Variants in SLC49A3 observed in about 807,000 individuals in gnomAD.
SLC49A3 encodes solute carrier family 49 member A3.
A neutral mutation model predicts 43.8 loss-of-function variants in SLC49A3; 50 were observed. That is an observed-to-expected ratio of 1.14 (90% CI 0.91 to 1.45). SLC49A3 has a LOEUF of 1.45. Among genes scored for constraint, SLC49A3 ranks in the 40% most tolerant of loss-of-function variants. SLC49A3 has a pLI of 0.00. For synonymous variants in SLC49A3, 413 were observed against 352.0 expected (o/e 1.17, Z -1.94); for missense variants, 906 against 774.1 (o/e 1.17, Z -2.02).
chr4:682,433 A>T, intron 9 of SLC49A3, 57 bp from the exon 10 acceptor site: 1 of 1,303,814 alleles, frequency 7.7e-7, no homozygotes, highest in Non-Finnish European at 9.8e-7. Context: ...ACAGATGGGC[A>T]GAGCCCAATG....
In SLC49A3 at chr4:682,080, C is replaced by A; in HGVS notation, c.1558G>T (p.Gly520Cys). 1.4e-6 allele frequency: 2 copies of A among 1,405,252 alleles called. No homozygotes were observed. The highest frequency in any genetic ancestry group is 1.6e-5 in the South Asian group (1 of 62,212). 87.0% of individuals were successfully genotyped at this position (1,405,252 alleles called of 1,614,324 possible). A position where few individuals can be genotyped will look rare whatever the true frequency, so the allele number is the denominator to read the frequency against. ...ACHRATPRAQ[G>C]PAATDAPSRP... ...GAGGGCGCGTCGGTGGCTGCTGGGC[C>A]TTGCGCACGGGGAGTCGCTCGGTGG... Residue 520 changes from glycine to cysteine, a missense_variant, in exon 10 of 10, where the codon GGC becomes TGC. Coordinates refer to ENST00000322224, the MANE Select transcript of SLC49A3 (RefSeq NM_032219.4).
chr4:681,820 C>G, downstream of SLC49A3: 1 of 1,265,072 alleles, frequency 7.9e-7, no homozygotes, highest in Non-Finnish European at 1.0e-6. Flanking sequence ...AAACCACACC[C>G]GGGGCCGCTG....
In SLC49A3 at chr4:685,808, A is replaced by G. The variant is rs377286189; in HGVS notation, c.585+27T>C. Reference sequence around the variant, plus strand: ...TGCATGCGCACACACCACACAGACCAGGCACGGGCGTCTCATGACCCCTCA... The same window carrying G: ...TGCATGCGCACACACCACACAGACCGGGCACGGGCGTCTCATGACCCCTCA... On this transcript the variant is annotated intron_variant, in intron 4 of 9. Transcript: ENST00000322224. The surrounding 1 kb of genome is among the most constrained non-coding windows in gnomAD (Gnocchi z 4.3). 1.2e-6 allele frequency: 2 copies of G among 1,612,246 alleles called. No homozygotes were observed. The highest frequency in any genetic ancestry group is 1.7e-5 in the Admixed American group (1 of 60,004).
chr4:683,401 AG>A (rs1174679797), intron 7 of SLC49A3, 34 bp from the exon 8 acceptor site: 1 of 1,594,018 alleles, frequency 6.3e-7, no homozygotes, highest in Non-Finnish European at 8.6e-7. Flanking sequence ...AGACAGGTGG[AG>A]GGGGTGGCAG....
In SLC49A3 at chr4:686,099, G is replaced by A. The variant is rs139401568; in HGVS notation, c.498C>T (p.Leu166=). ...CTCCCCGGAACTCACACATGGTGGC[G>A]AGCATGTTGGCCGTGGCTCGCTGGT... ...PEHQRATANM[L]ATMSNPLGVL... The change falls in exon 3 of 10, where the codon CTC becomes CTT. Residue 166 remains leucine (L), a synonymous_variant. Coordinates refer to ENST00000322224, the MANE Select transcript of SLC49A3 (RefSeq NM_032219.4). 2.4e-5 allele frequency: 38 copies of A among 1,613,106 alleles called. No individual in the cohort carries two copies. The highest frequency in any genetic ancestry group is 1.9e-4 in the African/African-American group (14 of 75,028).
Position 684,593 on chromosome 4 carries a change from A to G in SLC49A3, c.730T>C (p.Trp244Arg), listed in dbSNP as rs1740600012. 1.9e-6 allele frequency: 3 copies of G among 1,612,768 alleles called. No individual in the cohort carries two copies. Among genetic ancestry groups the G allele is most frequent in the African/African-American group, 1.3e-5 (1 of 74,884 alleles). Residue 244 changes from tryptophan (W) to arginine (R), a missense_variant, in exon 6 of 10, where the codon TGG becomes CGG. Physicochemically the swap from Trp to Arg is moderately radical, Grantham distance 101 (BLOSUM62 -3). Coordinates refer to ENST00000322224, the MANE Select transcript of SLC49A3 (RefSeq NM_032219.4). ...GCCAGGATGACATAGGCCTTGTTCC[A>G]CATGAGCTGCTGGGAAAGAGCGTCT... is the stretch of plus-strand genomic sequence containing the variant. ...KFLDGLKLLM[W>R]NKAYVILAVC...
Position 685,926 on chromosome 4 carries a change from G to A in SLC49A3, c.509-15C>T. 1 of 1,613,820 alleles carries A rather than the reference G, an allele frequency of 6.2e-7. No homozygotes were observed. Among genetic ancestry groups the A allele is most frequent in the Admixed American group, 1.7e-5 (1 of 60,022 alleles). ...CAGAGGGTTCGCTGGGTGGGCGGAT[G>A]CACAAAGTGTCAGCTCGGCTGTGGC... On this transcript the variant is annotated splice_polypyrimidine_tract_variant and intron_variant, in intron 3 of 9. Coordinates refer to ENST00000322224, the MANE Select transcript of SLC49A3 (RefSeq NM_032219.4). This position sits in a 1 kb window ranked among gnomAD's most constrained non-coding sequence, Gnocchi z 4.3.
At chr4:682,450 T>C in intron 9 of SLC49A3, 74 bp from the exon 10 acceptor site, 1 of 1,283,048 alleles carries the variant, frequency 7.8e-7, no homozygotes, top group Non-Finnish European at 1.0e-6. Context: ...AATGCTGGCC[T>C]ATGGTGACCC....
chr4:680,432 C>G (rs549387461), downstream of SLC49A3: 2 of 1,431,514 alleles, frequency 1.4e-6, no homozygotes, highest in African/African-American at 2.8e-5. Flanking sequence ...GCAGGGGTCT[C>G]CCCTCCTGCC....
intron 8 of SLC49A3, 84 bp from the exon 9 acceptor site, chr4:682,974 G>C (rs1740115304): frequency 7.8e-7 from 1 of 1,281,458 alleles, no homozygotes; most frequent in South Asian, 1.4e-5. Flanking sequence ...TGACATCGGT[G>C]CTGTCCCTTG....
chr4:688,947 A>T (rs1461374112), intron 1 of SLC49A3, 46 bp downstream of exon 1: 1 of 1,565,462 alleles, frequency 6.4e-7, no homozygotes, highest in East Asian at 2.5e-5. Flanking sequence ...GGCTGGTCCG[A>T]GGGACTGAGG....
chr4:679,973 A>G (rs1451332319), downstream of SLC49A3: 4 of 1,613,650 alleles, frequency 2.5e-6, no homozygotes, highest in Non-Finnish European at 3.4e-6. Flanking sequence ...CTCGGGGCCC[A>G]TCAACTTCAC....
chr4:681,928 G>T lies in SLC49A3; in HGVS notation c.*30C>A, dbSNP rs534288644. 6.8e-6 allele frequency: 9 copies of T among 1,323,220 alleles called. No homozygotes were observed. Among genetic ancestry groups the T allele is most frequent in the Middle Eastern group, 4.1e-4 (2 of 4,938 alleles). The allele number at this position is 1,323,220 out of a possible 1,614,324, so 82.0% of individuals were successfully genotyped here. The stretch of plus-strand genomic sequence containing the variant: ...TGTTCCAGTTCGCCTCCATCGATGT[G>T]GCGGGCAACCTGGACTACAAGGCGC... On this transcript the variant is annotated 3_prime_UTR_variant, in exon 10 of 10. Coordinates refer to ENST00000322224, the MANE Select transcript of SLC49A3 (RefSeq NM_032219.4).
chr4:687,428 C>G (rs1275741185), intron 1 of SLC49A3: 7 of 152,340 alleles, frequency 4.6e-5, no homozygotes, highest in Admixed American at 4.6e-4. Context: ...CGGGACAGGA[C>G]AGGGAGCTTG....
chr4:677,285 T>C (rs1738939360), downstream of SLC49A3, among the ~76,000 whole-genome samples: 1 of 152,154 alleles, frequency 6.6e-6, no homozygotes, highest in African/African-American at 2.4e-5. Flanking sequence ...TGTGGTGGCC[T>C]CTGATGTCTG....
chr4:688,807 C>T, intron 1 of SLC49A3, 186 bp downstream of exon 1: 1 of 981,648 alleles, frequency 1.0e-6, no homozygotes, highest in Non-Finnish European at 1.4e-6. Flanking sequence ...TGCTCTGTGC[C>T]CTGGGCCCAG....
At chr4:681,200 CT>C, downstream of SLC49A3, 3 of 1,560,196 alleles carry the variant, frequency 1.9e-6, no homozygotes, top group Non-Finnish European at 2.6e-6. Context: ...CCGGGGTCAG[CT>C]GGGTGGAGGG....
chr4:676,888 C>T (rs1025456727), downstream of SLC49A3: 3 of 985,390 alleles, frequency 3.0e-6, no homozygotes, highest in Non-Finnish European at 3.6e-6. Flanking sequence ...CCTCAGGAGT[C>T]AGTGCTTCAT....
In SLC49A3 at chr4:684,546, G is replaced by C. The variant is rs759430641; in HGVS notation, c.777C>G (p.Ile259Met). Residue 259 changes from isoleucine to methionine, a missense_variant, in exon 6 of 10, where the codon ATC becomes ATG. Ile to Met is a conservative substitution (Grantham distance 10, BLOSUM62 1). Coordinates refer to ENST00000322224, the MANE Select transcript of SLC49A3 (RefSeq NM_032219.4). ...VILAVCLGGMIGISASFSALL... is the reference protein window; with the variant it reads ...VILAVCLGGMMGISASFSALL... ...GGGCTGAGAAGCTGGCAGAGATCCCGATCATTCCCCCCAAGCACACAGCCA... is the reference window on the plus strand; with the variant it reads ...GGGCTGAGAAGCTGGCAGAGATCCCCATCATTCCCCCCAAGCACACAGCCA... The C allele has an allele frequency of 6.2e-7, 1 of 1,613,190 alleles. No homozygotes were observed. The highest frequency in any genetic ancestry group is 8.5e-7 in the Non-Finnish European group (1 of 1,179,940).
Sources: allele counts gnomAD v4.1 joint callset (sites outside exome capture counted in the v4.1 genomes callset), GRCh38; gene constraint gnomAD v4.1.1; non-coding constraint Gnocchi (gnomAD v3.1); transcripts MANE v1.5; gene names NCBI Gene and HGNC (gene_info 2026-07-23, HGNC 2026-07-21).